SPAG4: variants seen among roughly 807,000 people sequenced by gnomAD.
The protein encoded by SPAG4 is sperm associated antigen 4, also known as sperm-associated antigen 4 protein.
A neutral mutation model predicts 53.9 loss-of-function variants in SPAG4; 54 were observed. The ratio of observed to expected loss-of-function variants is 1.00; its 90% confidence interval spans 0.80 to 1.26. The LOEUF is 1.26. Among genes scored for constraint, SPAG4 ranks in the 50% most tolerant of loss-of-function variants. The probability of loss-of-function intolerance (pLI) is 0.00; values close to 1 mark genes in which losing one functional copy is unlikely to be tolerated. For synonymous variants in SPAG4, 246 were observed against 237.4 expected (o/e 1.04, Z -0.33); for missense variants, 548 against 568.6 (o/e 0.96, Z 0.37).
Position 35,615,937 on chromosome 20 carries a change from A to T in SPAG4, c.-67A>T, listed in dbSNP as rs2031354932. On this transcript the variant is annotated 5_prime_UTR_variant, in exon 1 of 12. Coordinates refer to ENST00000374273, the MANE Select transcript of SPAG4 (RefSeq NM_003116.3). ...CCCCGCGGCGCGCAGCGGCTGAAGG[A>T]GGCCCCAGGGCCTTGGCGACCGCAG... 1.3e-6 allele frequency: 2 copies of T among 1,505,170 alleles called. No individual in the cohort carries two copies. Among genetic ancestry groups the T allele is most frequent in the African/African-American group, 2.9e-5 (2 of 69,936 alleles). 93.2% of individuals were successfully genotyped at this position (1,505,170 alleles called of 1,614,324 possible).
intron 7 of SPAG4, 30 bp downstream of exon 7, chr20:35,618,750 G>A: frequency 6.6e-7 from 1 of 1,510,222 alleles, no homozygotes. Flanking sequence ...GGAAACCCCT[G>A]ATGGATCCCT....
rs772144421 is a variant in SPAG4 at position 35,618,625 on chromosome 20, C to T, written c.622C>T (p.Arg208Cys). Residue 208 changes from arginine (R) to cysteine (C), a missense_variant, in exon 7 of 12, where the codon CGC becomes TGC. Transcript: ENST00000374273. Reference protein sequence around the residue: ...EMLTLSEYHERVRSQGQQLQQ... With the variant: ...EMLTLSEYHECVRSQGQQLQQ... Reference sequence around the variant, plus strand: ...TCCCACCTCCAGTGAGTACCACGAGCGCGTGCGCTCCCAGGGGCAGCAGCT... The same window carrying T: ...TCCCACCTCCAGTGAGTACCACGAGTGCGTGCGCTCCCAGGGGCAGCAGCT... The T allele has an allele frequency of 9.4e-6, 15 of 1,599,166 alleles. No homozygotes were observed. The African/African-American group carries it at 1.9e-4, about 20-fold the overall frequency.
At position 35,618,697 on chromosome 20, in the gene SPAG4, A is replaced by T. The variant is rs891741611; in HGVS notation, c.694A>T (p.Thr232Ser). The change falls in exon 7 of 12, where the codon ACT (threonine) becomes TCT (serine). Residue 232 changes from threonine to serine, a missense_variant. Thr to Ser is a moderately conservative substitution (Grantham distance 58, BLOSUM62 1). Transcript: ENST00000374273. ...GGATAAACTCCACAAGGAGGTGTCCACTGTTCGGGCAGCCAACAGCGAGGT... is the reference window on the plus strand; with the variant it reads ...GGATAAACTCCACAAGGAGGTGTCCTCTGTTCGGGCAGCCAACAGCGAGGT... ...ELDKLHKEVSTVRAANSERVA... is the reference protein window; with the variant it reads ...ELDKLHKEVSSVRAANSERVA... The T allele has an allele frequency of 1.1e-5, 18 of 1,588,248 alleles. No homozygotes were observed. The highest frequency in any genetic ancestry group is 1.4e-5 in the Non-Finnish European group (16 of 1,166,948).
At chr20:35,618,282 G>T in intron 5 of SPAG4, 152 bp downstream of exon 5, 1 of 1,103,576 alleles carries the variant, frequency 9.1e-7, no homozygotes, top group Non-Finnish European at 1.3e-6. Context: ...GACTTATGAG[G>T]GATTGTGCTT....
At chr20:35,617,899 C>A in intron 4 of SPAG4, 59 bp downstream of exon 4, 2 of 1,539,862 alleles carry the variant, frequency 1.3e-6, no homozygotes, top group East Asian at 2.2e-5. Context: ...GCAAACCCAG[C>A]ACATTTTCTC....
intron 10 of SPAG4, 39 bp from the exon 11 acceptor site, chr20:35,620,644 GT>G: frequency 3.8e-6 from 1 of 260,718 alleles, no homozygotes. Context: ...CGCCCCACCT[GT>G]CCCCCTCATA....
Position 35,619,672 on chromosome 20 carries a change from ACT to A in SPAG4, c.1006_1007del (p.Leu336AlafsTer29), listed in dbSNP as rs762759613. The stretch of plus-strand genomic sequence containing the variant: ...GGGCCGAGTGCAGCTGAGCGACATC[ACT>A]CTGCAGCATCCACCGCCCAGCGTGG... ...LPGRVQLSDITLQHPPPSVEH... is the reference protein window; with the variant it reads ...LPGRVQLSDIXLQHPPPSVEH... On this transcript the variant is annotated frameshift_variant, in exon 10 of 12. Coordinates refer to ENST00000374273, the MANE Select transcript of SPAG4 (RefSeq NM_003116.3). LOFTEE classifies it high-confidence loss of function. The A allele has an allele frequency of 1.5e-5, 25 of 1,613,694 alleles. No homozygotes were observed. Among genetic ancestry groups the A allele is most frequent in the Admixed American group, 1.0e-4 (6 of 59,978 alleles).
Position 35,620,964 on chromosome 20 carries a change from G to A in SPAG4, c.1256G>A (p.Arg419His), listed in dbSNP as rs1284269490. 26 of 1,614,080 alleles carry A rather than the reference G, an allele frequency of 1.6e-5. No individual in the cohort carries two copies. Among genetic ancestry groups the A allele is most frequent in the Non-Finnish European group, 1.9e-5 (23 of 1,180,044 alleles). Reference sequence around the variant, plus strand: ...CGTTTCACGTGCTTGTATCGAGTCCGTGCCCACGGTGTGCGAACCTCAGAG... The same window carrying A: ...CGTTTCACGTGCTTGTATCGAGTCCATGCCCACGGTGTGCGAACCTCAGAG... ...HPRFTCLYRV[R>H]AHGVRTSEGA... Residue 419 changes from arginine to histidine, a missense_variant, in exon 12 of 12, where the codon CGT becomes CAT. Arg to His is a conservative substitution (Grantham distance 29). Coordinates refer to ENST00000374273, the MANE Select transcript of SPAG4 (RefSeq NM_003116.3).
intron 3 of SPAG4, 64 bp from the exon 4 acceptor site, chr20:35,617,715 G>C (rs1344085600): frequency 1.5e-5 from 23 of 1,576,564 alleles, no homozygotes; most frequent in Middle Eastern, 3.3e-4. Flanking sequence ...CTGGGTCTAG[G>C]ACCCTGGGGT....
rs141052948 is a variant in SPAG4 at position 35,618,122 on chromosome 20, T to C, written c.574T>C (p.Leu192=). ...WLGLLYLVSP[L]ENEPKEMLTL... Reference sequence around the variant, plus strand: ...GGGGCTTCTGTACCTGGTCTCTCCTTTGGAGAATGTGAGTTGGGGAGACTG... The same window carrying C: ...GGGGCTTCTGTACCTGGTCTCTCCTCTGGAGAATGTGAGTTGGGGAGACTG... The change falls in exon 5 of 12, where the codon TTG becomes CTG. Residue 192 remains leucine (L), a synonymous_variant. Coordinates refer to ENST00000374273, the MANE Select transcript of SPAG4 (RefSeq NM_003116.3). The C allele has an allele frequency of 7.9e-5, 128 of 1,613,422 alleles. No individual in the cohort carries two copies. Among genetic ancestry groups the C allele is most frequent in the Non-Finnish European group, 9.8e-5 (116 of 1,179,658 alleles).
chr20:35,619,513 C>T, intron 9 of SPAG4, 66 bp from the exon 10 acceptor site: 1 of 1,581,838 alleles, frequency 6.3e-7, no homozygotes, highest in Non-Finnish European at 8.6e-7. Flanking sequence ...GAGCTGAGGC[C>T]CGGGCTGGGG....
rs747029309 is a variant in SPAG4, at chr20:35,619,206, G to A, written c.805G>A (p.Asp269Asn). 2 of 1,611,370 alleles carry A rather than the reference G, an allele frequency of 1.2e-6. No individual in the cohort carries two copies. Among genetic ancestry groups the A allele is most frequent in the South Asian group, 2.2e-5 (2 of 90,968 alleles). Residue 269 changes from aspartate (D) to asparagine (N), a missense_variant, in exon 9 of 12, where the codon GAC (aspartate) becomes AAC (asparagine). Transcript: ENST00000374273. ...YALSSVGASI[D>N]LQKTSHDYAD... ...TCTCACTGTTCCAGGAGCCTCCATC[G>A]ACCTGCAGAAGACATCCCACGATTA...
chr20:35,620,639 C>CCCCCCG, intron 10 of SPAG4, 45 bp from the exon 11 acceptor site: 1 of 729,062 alleles, frequency 1.4e-6, no homozygotes, highest in Non-Finnish European at 2.4e-6. Flanking sequence ...CCCCCCGCCC[C>CCCCCCG]ACCTGTCCCC....
At chr20:35,616,408 A>G (rs2031382477) in intron 1 of SPAG4, 101 bp downstream of exon 1, 3 of 1,409,436 alleles carry the variant, frequency 2.1e-6, no homozygotes, top group Non-Finnish European at 2.8e-6. Flanking sequence ...GGCACCTCCT[A>G]CAAGGTGGGT....
chr20:35,618,059 T>C, intron 4 of SPAG4, 28 bp from the exon 5 acceptor site: 3 of 1,611,226 alleles, frequency 1.9e-6, no homozygotes, highest in Non-Finnish European at 1.7e-6. Context: ...TCCTTTTCCT[T>C]CTGAGACCCC....
intron 4 of SPAG4, 21 bp from the exon 5 acceptor site, chr20:35,618,066 C>A (rs1234165753): frequency 6.8e-6 from 11 of 1,611,938 alleles, no homozygotes; most frequent in Non-Finnish European, 9.3e-6. Context: ...CCTTCTGAGA[C>A]CCCTCCCTCT....
Position 35,616,319 on chromosome 20 carries a change from G to A in SPAG4, c.304+12G>A. 6.9e-7 allele frequency: 1 copy of A among 1,459,820 alleles called. No homozygotes were observed. 90.4% of individuals were successfully genotyped at this position (1,459,820 alleles called of 1,614,324 possible). A position where few individuals can be genotyped will look rare whatever the true frequency, so the allele number is the denominator to read the frequency against. The stretch of plus-strand genomic sequence containing the variant: ...GGGCGGGGCCTCGGGTGCGGGCGGG[G>A]TCGACCCCGGGTGAGCCAGTGGAGG... On this transcript the variant is annotated intron_variant, in intron 1 of 11. Transcript: ENST00000374273.
At position 35,616,129 on chromosome 20, in the gene SPAG4, C is replaced by A; in HGVS notation, c.126C>A (p.Pro42=). 3 of 1,590,786 alleles carry A rather than the reference C, an allele frequency of 1.9e-6. No homozygotes were observed. The highest frequency in any genetic ancestry group is 1.7e-6 in the Non-Finnish European group (2 of 1,170,992). Residue 42 remains proline, a synonymous_variant, in exon 1 of 12, where the codon CCC becomes CCA. Transcript: ENST00000374273. ...EDSKGLRSAE[P]GPGEPEGRRA... ...GCAAAGGGCTCCGGTCAGCGGAGCCCGGGCCTGGGGAGCCCGAGGGCAGAA... is the reference window on the plus strand; with the variant it reads ...GCAAAGGGCTCCGGTCAGCGGAGCCAGGGCCTGGGGAGCCCGAGGGCAGAA...
Position 35,616,077 on chromosome 20 carries a change from G to T in SPAG4, c.74G>T (p.Ser25Ile). ...ACGCCCAACTTTTTCAGCGAGAACA[G>T]CTCAATGAGCATCACCTCGGAGGAC... ...KHTPNFFSEN[S>I]SMSITSEDSK... The change falls in exon 1 of 12, where the codon AGC becomes ATC. Residue 25 changes from serine to isoleucine, a missense_variant. By Grantham distance (142) the Ser-to-Ile change is moderately radical. Coordinates refer to ENST00000374273, the MANE Select transcript of SPAG4 (RefSeq NM_003116.3). 1.2e-6 allele frequency: 2 copies of T among 1,612,608 alleles called. No homozygotes were observed. Among genetic ancestry groups the T allele is most frequent in the Admixed American group, 3.3e-5 (2 of 60,010 alleles).
Sources: allele counts gnomAD v4.1 joint callset, GRCh38; gene constraint gnomAD v4.1.1; transcripts MANE v1.5; gene names NCBI Gene and HGNC (gene_info 2026-07-23, HGNC 2026-07-21).